The following ZFHX3 variants were observed in gnomAD, a reference collection of about 807,000 sequenced individuals.
The protein encoded by ZFHX3 is zinc finger homeobox 3.
ZFHX3 carries 42 observed loss-of-function variants against 279.1 expected under a neutral mutation model. The ratio of observed to expected loss-of-function variants is 0.15; its 90% CI spans 0.12 to 0.19. The LOEUF (loss-of-function observed/expected upper bound fraction) is 0.19, where lower values mean the gene tolerates loss of function less well. Among genes scored for constraint, ZFHX3 ranks in the 10% least tolerant of loss-of-function variants. The pLI, the probability that ZFHX3 is intolerant of heterozygous loss-of-function variation, is 1.00. For missense variants in ZFHX3, 4,981 were observed against 4,754.0 expected (o/e 1.05, Z -1.40); for synonymous variants, 2,293 against 1,957.8 (o/e 1.17, Z -4.52).
At chr16:72,987,730 G>A (rs1243913349) in intron 1 of ZFHX3, among the ~76,000 whole-genome samples, 2 of 152,182 alleles carry the variant, frequency 1.3e-5, no homozygotes, top group South Asian at 2.1e-4. Context: ...ACCACAGCAT[G>A]GCTGGAAGGG....
intron 1 of ZFHX3, among the ~76,000 whole-genome samples, chr16:73,885,579 AG>A (rs1416430501): frequency 6.6e-6 from 1 of 152,110 alleles, no homozygotes; most frequent in African/African-American, 2.4e-5. Flanking sequence ...ATCAGCCTCC[AG>A]GGGTCTAAAG....
At chr16:72,950,416 G>C (rs896513179) in intron 3 of ZFHX3, 53 bp downstream of exon 3, 2 of 1,584,250 alleles carry the variant, frequency 1.3e-6, no homozygotes, top group Admixed American at 3.4e-5. Flanking sequence ...TCCCCGGTGC[G>C]CAACCCCCTC....
chr16:73,560,381 C>G (rs150419127), intron 2 of ZFHX3, among the ~76,000 whole-genome samples: 1 of 152,136 alleles, frequency 6.6e-6, no homozygotes, highest in African/African-American at 2.4e-5. Flanking sequence ...CTTCAGAAGT[C>G]GACGCCATTT....
rs775310999 is a variant in ZFHX3 at position 73,235,092 on chromosome 16, C to T, written c.-1104+21955G>A. ...CTTTATTTATTTACTTTTTTTGAGA[C>T]GGAGTCTCACTCTATCAACCAGGCT... On this transcript the variant is annotated intron_variant, in intron 5 of 17. Transcript: ENST00000641206. Among the ~76,000 whole-genome samples, 55 of 152,258 alleles carry T rather than the reference C, an allele frequency of 3.6e-4. 1 individual carries two copies. Among genetic ancestry groups the T allele is most frequent in the Middle Eastern group, 3.4e-3 (1 of 294 alleles).
intron 1 of ZFHX3, among the ~76,000 whole-genome samples, chr16:73,811,589 C>G (rs1410947240): frequency 1.3e-5 from 2 of 151,904 alleles, no homozygotes. Context: ...GGACTACAGG[C>G]ACGCGCGCCA....
At chr16:73,301,122 C>T (rs1405465402) in intron 4 of ZFHX3, among the ~76,000 whole-genome samples, 1 of 152,214 alleles carries the variant, frequency 6.6e-6, no homozygotes, top group Non-Finnish European at 1.5e-5. Flanking sequence ...GGTTGTGTAT[C>T]AGAGTCCTTT....
chr16:72,961,345 C>T (rs898698037), intron 1 of ZFHX3, among the ~76,000 whole-genome samples: 7 of 152,222 alleles, frequency 4.6e-5, no homozygotes, highest in African/African-American at 1.7e-4. Flanking sequence ...CCCTCTGAGA[C>T]CTCATGTCCC....
At chr16:73,461,253 T>G (rs2018465994) in intron 2 of ZFHX3, among the ~76,000 whole-genome samples, 1 of 152,204 alleles carries the variant, frequency 6.6e-6, no homozygotes, top group African/African-American at 2.4e-5. Context: ...ATTGGATTGT[T>G]TATGTTCTTA....
chr16:73,591,194 T>C (rs1484349120), intron 2 of ZFHX3, among the ~76,000 whole-genome samples: 1 of 150,950 alleles, frequency 6.6e-6, no homozygotes, highest in Non-Finnish European at 1.5e-5. Flanking sequence ...CTACTAAAAA[T>C]GCAAAAAAAT....
chr16:73,142,895 A>T (rs1385404338), intron 6 of ZFHX3, among the ~76,000 whole-genome samples: 1 of 152,204 alleles, frequency 6.6e-6, no homozygotes, highest in Non-Finnish European at 1.5e-5. Context: ...CATATTAACA[A>T]GGCCATTAAG....
intron 1 of ZFHX3, among the ~76,000 whole-genome samples, chr16:72,985,446 G>C (rs1962804293): frequency 6.6e-6 from 1 of 152,210 alleles, no homozygotes; most frequent in Non-Finnish European, 1.5e-5. Flanking sequence ...AGTTGCATAA[G>C]GGTGTCCTCA....
At chr16:73,283,073 G>T (rs980981558) in intron 4 of ZFHX3, among the ~76,000 whole-genome samples, 7 of 152,170 alleles carry the variant, frequency 4.6e-5, no homozygotes, top group Non-Finnish European at 1.0e-4. Flanking sequence ...AGTATTTTGG[G>T]TTTGTGAACT....
chr16:73,672,599 G>C (rs142973008), intron 2 of ZFHX3, among the ~76,000 whole-genome samples: 379 of 151,884 alleles, frequency 2.5e-3, no homozygotes, highest in African/African-American at 8.7e-3. Context: ...CATAAAAAAT[G>C]ATCATAAAAA....
chr16:73,709,314 A>G (rs549472682), intron 1 of ZFHX3, among the ~76,000 whole-genome samples: 15 of 151,770 alleles, frequency 9.9e-5, no homozygotes, highest in African/African-American at 3.4e-4. Flanking sequence ...AAAGTGAGCT[A>G]TGATTGCACC....
At chr16:73,344,407 T>C (rs887139052) in intron 3 of ZFHX3, among the ~76,000 whole-genome samples, 1 of 152,338 alleles carries the variant, frequency 6.6e-6, no homozygotes, top group Non-Finnish European at 1.5e-5. Flanking sequence ...GAATGAGGAA[T>C]TGTTCTGGTT....
At chr16:73,542,270 C>T (rs2222141) in intron 2 of ZFHX3, among the ~76,000 whole-genome samples, 26,442 of 151,972 alleles carry the variant, frequency 0.17, 2,527 homozygotes, top group African/African-American at 0.25. Context: ...TTTGGGTGGG[C>T]CTGGGGCGGG....
At chr16:73,368,801 T>C (rs1487401104) in intron 3 of ZFHX3, among the ~76,000 whole-genome samples, 1 of 152,242 alleles carries the variant, frequency 6.6e-6, no homozygotes, top group Non-Finnish European at 1.5e-5. Context: ...TCCACATTAA[T>C]TCATTTAATT....
At chr16:73,576,459 T>C (rs1597007725) in intron 2 of ZFHX3, among the ~76,000 whole-genome samples, 1 of 152,162 alleles carries the variant, frequency 6.6e-6, no homozygotes, top group East Asian at 1.9e-4. Context: ...AATGCACCTA[T>C]GGCTGCAGCA....
At chr16:73,544,658 T>C (rs1262171696) in intron 2 of ZFHX3, among the ~76,000 whole-genome samples, 2 of 152,022 alleles carry the variant, frequency 1.3e-5, no homozygotes, top group Non-Finnish European at 2.9e-5. Flanking sequence ...GATCTGGCCA[T>C]AAAGAGACCA....
Sources: allele counts gnomAD v4.1 joint callset (sites outside exome capture counted in the v4.1 genomes callset), GRCh38; gene constraint gnomAD v4.1.1; transcripts MANE v1.5; gene names NCBI Gene and HGNC (gene_info 2026-07-23, HGNC 2026-07-21).